Variants in PDGFRA observed in about 807,000 individuals in gnomAD.
PDGFRA encodes platelet derived growth factor receptor alpha.
A neutral mutation model predicts 121.5 loss-of-function variants in PDGFRA; 25 were observed. That is an observed-to-expected ratio of 0.21 (90% CI 0.15 to 0.29). The LOEUF (loss-of-function observed/expected upper bound fraction) is 0.29, where lower values mean the gene tolerates loss of function less well. Among genes scored for constraint, PDGFRA ranks in the 10% least tolerant of loss-of-function variants. The pLI is 1.00. For missense variants in PDGFRA, 1,008 were observed against 1,345.1 expected (o/e 0.75, Z 3.92); for synonymous variants, 463 against 494.8 (o/e 0.94, Z 0.85).
At chr4:54,237,895 T>C (rs1721099647) in intron 1 of PDGFRA, among the ~76,000 whole-genome samples, 1 of 152,188 alleles carries the variant, frequency 6.6e-6, no homozygotes, top group African/African-American at 2.4e-5. Flanking sequence ...AGAGACCATA[T>C]GGTGAAGTGG....
intron 1 of PDGFRA, among the ~76,000 whole-genome samples, chr4:54,258,238 C>T (rs1722482113): frequency 6.6e-6 from 1 of 152,100 alleles, no homozygotes. Context: ...GGCTGGGTGC[C>T]CAGGTCTGAG....
chr4:54,288,759 A>C (rs1724476166), intron 19 of PDGFRA, 40 bp from the exon 20 acceptor site: 2 of 1,083,588 alleles, frequency 1.8e-6, no homozygotes, highest in Middle Eastern at 3.9e-4. Flanking sequence ...CAATGCACTG[A>C]GCGTTTGTTA....
intron 18 of PDGFRA, among the ~76,000 whole-genome samples, chr4:54,286,382 G>C (rs1724364601): frequency 6.6e-6 from 1 of 150,702 alleles, no homozygotes; most frequent in Non-Finnish European, 1.5e-5. Flanking sequence ...TTGAGACAGA[G>C]TCTCACTCTG....
At position 54,274,838 on chromosome 4, in the gene PDGFRA, T is replaced by C. The variant is rs768625691; in HGVS notation, c.1654-3T>C. The C allele has an allele frequency of 5.0e-5, 80 of 1,614,166 alleles. No homozygotes were observed. The South Asian group carries it at 8.6e-4, about 17-fold the overall frequency. On this transcript the variant is annotated splice_polypyrimidine_tract_variant and splice_region_variant and intron_variant, in intron 11 of 22. Coordinates refer to ENST00000257290, the MANE Select transcript of PDGFRA (RefSeq NM_006206.6). ...ACCAGTTACCTGTCCTGGTCATTTA[T>C]AGAAACCGAGGTATGAAATTCGCTG...
chr4:54,274,510 C>A, intron 10 of PDGFRA, 21 bp from the exon 11 acceptor site: 1 of 1,574,546 alleles, frequency 6.4e-7, no homozygotes, highest in Non-Finnish European at 8.7e-7. Flanking sequence ...TTTCATTGTG[C>A]CTCTCTCTCT....
At position 54,267,283 on chromosome 4, in the gene PDGFRA, C is replaced by T. The variant is rs888633425; in HGVS notation, c.760-6C>T. 8.7e-6 allele frequency: 14 copies of T among 1,613,906 alleles called. No individual in the cohort carries two copies. In the African/African-American group the frequency reaches 1.9e-4, roughly 22 times the overall value. On this transcript the variant is annotated splice_region_variant and splice_polypyrimidine_tract_variant and intron_variant, in intron 5 of 22. Transcript: ENST00000257290. ...AAAAGTCGGTTTTCTTCCCCTTTTG[C>T]TGTAGAAAGGCAAAGGCATCACAAT...
At chr4:54,247,854 G>T (rs947685707) in intron 1 of PDGFRA, among the ~76,000 whole-genome samples, 1 of 152,192 alleles carries the variant, frequency 6.6e-6, no homozygotes, top group African/African-American at 2.4e-5. Context: ...TCCTGAAGCT[G>T]ATAAGCAACT....
At chr4:54,262,304 A>T (rs966420068) in intron 3 of PDGFRA, among the ~76,000 whole-genome samples, 22 of 152,032 alleles carry the variant, frequency 1.4e-4, no homozygotes, top group African/African-American at 4.8e-4. Context: ...GGCTCAAGTG[A>T]TCCACAGCCA....
chr4:54,240,152 C>A, intron 1 of PDGFRA: 1 of 233,592 alleles, frequency 4.3e-6, no homozygotes, highest in Non-Finnish European at 9.3e-6. Flanking sequence ...TGCACCTGGC[C>A]TCTCTTTAGT....
chr4:54,252,659 C>T (rs1284194547), intron 1 of PDGFRA, among the ~76,000 whole-genome samples: 2 of 152,166 alleles, frequency 1.3e-5, no homozygotes, highest in African/African-American at 2.4e-5. Flanking sequence ...AACTGAGCCT[C>T]GGAAATCTGA....
chr4:54,261,755 T>C (rs1218791426), intron 3 of PDGFRA, among the ~76,000 whole-genome samples: 1 of 151,586 alleles, frequency 6.6e-6, no homozygotes, highest in African/African-American at 2.4e-5. Context: ...ACACAAAAAT[T>C]AATAGGTAAG....
intron 1 of PDGFRA, among the ~76,000 whole-genome samples, chr4:54,241,498 G>T (rs1328098024): frequency 1.3e-5 from 2 of 151,418 alleles, no homozygotes; most frequent in Non-Finnish European, 2.9e-5. Context: ...GATGTAATTA[G>T]CCATAACTGA....
chr4:54,254,735 G>C (rs1722260764), intron 1 of PDGFRA, among the ~76,000 whole-genome samples: 1 of 152,206 alleles, frequency 6.6e-6, no homozygotes, highest in South Asian at 2.1e-4. Context: ...AAGTGTTACT[G>C]CTAATTGTGG....
chr4:54,229,879 C>T (rs931830334), intron 1 of PDGFRA: 1 of 136,996 alleles, frequency 7.3e-6, no homozygotes, highest in Non-Finnish European at 1.5e-5. Flanking sequence ...TCCTCGCCTG[C>T]GGTTTGGCGG....
At position 54,244,669 on chromosome 4, in the gene PDGFRA, C is replaced by T. The variant is rs1246889615; in HGVS notation, c.-12-14088C>T. 2.0e-5 allele frequency among the ~76,000 whole-genome samples: 3 copies of T among 152,356 alleles called. No homozygotes were observed. In the East Asian group the frequency reaches 5.8e-4, roughly 29 times the overall value. ...TCTGAAAAGCAGAGCGCCTCTCCTC[C>T]TCCAGAGGAACGCAGCTCCTCACCA... On this transcript the variant is annotated intron_variant, in intron 1 of 22. Transcript: ENST00000257290.
intron 1 of PDGFRA, chr4:54,240,212 A>G (rs1577674160): frequency 5.3e-6 from 1 of 188,192 alleles, no homozygotes; most frequent in Non-Finnish European, 1.2e-5. Flanking sequence ...TGAAATTCTT[A>G]TTTCATGTTT....
intron 4 of PDGFRA, chr4:54,264,713 G>T (rs1201709415): frequency 4.0e-6 from 2 of 506,196 alleles, no homozygotes; most frequent in Admixed American, 6.5e-5. Flanking sequence ...TTATTATTTT[G>T]TAATTCTGTA....
intron 1 of PDGFRA, among the ~76,000 whole-genome samples, chr4:54,231,337 C>T (rs1162129251): frequency 6.6e-6 from 1 of 152,214 alleles, no homozygotes; most frequent in Non-Finnish European, 1.5e-5. Flanking sequence ...TGTTTTGGAC[C>T]GACTCGCCTC....
intron 22 of PDGFRA, 107 bp downstream of exon 22, chr4:54,290,661 T>A: frequency 7.8e-7 from 1 of 1,284,252 alleles, no homozygotes; most frequent in Non-Finnish European, 1.1e-6. Flanking sequence ...GGTAAATATG[T>A]ACTCAGGGAC....
Sources: allele counts gnomAD v4.1 joint callset (sites outside exome capture counted in the v4.1 genomes callset), GRCh38; gene constraint gnomAD v4.1.1; transcripts MANE v1.5; gene names NCBI Gene and HGNC (gene_info 2026-07-23, HGNC 2026-07-21).